DENND2B: variants seen among roughly 807,000 people sequenced by gnomAD.
The protein encoded by DENND2B is DENN domain containing 2B.
Under a neutral mutation model 116.0 loss-of-function variants are expected in DENND2B, and 32 were observed. The ratio of observed to expected loss-of-function variants is 0.28; its 90% CI spans 0.21 to 0.37. The LOEUF is 0.37. Ranked by LOEUF, DENND2B falls within the 10% of genes least tolerant of loss-of-function variation. DENND2B has a pLI of 1.00. For synonymous variants in DENND2B, 588 were observed against 583.9 expected (o/e 1.01, Z -0.10); for missense variants, 1,276 against 1,477.7 (o/e 0.86, Z 2.24).
intron 4 of DENND2B, among the ~76,000 whole-genome samples, chr11:8,816,342 T>G (rs1332631455): frequency 6.6e-6 from 1 of 152,100 alleles, no homozygotes; most frequent in Non-Finnish European, 1.5e-5. Context: ...GCCCAGGAGT[T>G]CAAGACTAGC....
chr11:8,872,588 C>A (rs1014375539), upstream of DENND2B, among the ~76,000 whole-genome samples: 3 of 151,798 alleles, frequency 2.0e-5, no homozygotes, highest in Non-Finnish European at 4.4e-5. Flanking sequence ...ATAAAGTCTA[C>A]TGTTCCTTTG....
chr11:8,891,080 C>A (rs2064026504), intron 1 of DENND2B, among the ~76,000 whole-genome samples: 2 of 152,090 alleles, frequency 1.3e-5, no homozygotes, highest in African/African-American at 4.8e-5. Flanking sequence ...GAGTGGGGGC[C>A]AATATTCAAC....
chr11:8,705,362 C>T (rs2042408417), intron 13 of DENND2B, among the ~76,000 whole-genome samples: 1 of 152,142 alleles, frequency 6.6e-6, no homozygotes, highest in African/African-American at 2.4e-5. Flanking sequence ...TTCTGGGCCC[C>T]TGCACTTGTC....
chr11:8,903,411 T>A (rs2064194616), intron 1 of DENND2B, among the ~76,000 whole-genome samples: 1 of 144,236 alleles, frequency 6.9e-6, no homozygotes. Context: ...AGTGAGACTG[T>A]CTCAAAAGAA....
chr11:8,754,064 A>ACACACACACAC (rs1565854666), intron 1 of DENND2B, among the ~76,000 whole-genome samples: 1 of 77,706 alleles, frequency 1.3e-5, no homozygotes, highest in African/African-American at 5.5e-5. Flanking sequence ...CACACACACA[A>ACACACACACAC]AGGACATGAA....
chr11:8,733,092 C>G (rs1261151406), intron 2 of DENND2B, among the ~76,000 whole-genome samples: 1 of 152,216 alleles, frequency 6.6e-6, no homozygotes, highest in Non-Finnish European at 1.5e-5. Flanking sequence ...TATATGGGCA[C>G]AGATGAGAGA....
At chr11:8,896,819 G>C (rs2064107679) in intron 1 of DENND2B, among the ~76,000 whole-genome samples, 1 of 152,240 alleles carries the variant, frequency 6.6e-6, no homozygotes, top group Non-Finnish European at 1.5e-5. Context: ...GATGTTTTCA[G>C]ATAGGTGTAT....
chr11:8,840,778 G>GC (rs1292542842), intron 3 of DENND2B, among the ~76,000 whole-genome samples: 1 of 152,098 alleles, frequency 6.6e-6, no homozygotes, highest in Non-Finnish European at 1.5e-5. Context: ...GCCCCTTCCT[G>GC]CAGCCCTCAC....
intron 3 of DENND2B, among the ~76,000 whole-genome samples, chr11:8,850,964 A>C (rs1345144133): frequency 6.6e-6 from 1 of 152,194 alleles, no homozygotes; most frequent in African/African-American, 2.4e-5. Context: ...TTATATGCCG[A>C]ATCTAGAAAA....
chr11:8,713,018 A>G (rs1350791038), intron 8 of DENND2B, among the ~76,000 whole-genome samples: 1 of 152,152 alleles, frequency 6.6e-6, no homozygotes, highest in African/African-American at 2.4e-5. Flanking sequence ...CCAGGGATGT[A>G]TCTTGGCACC....
At chr11:8,774,306 G>A in intron 1 of DENND2B, 1 of 985,424 alleles carries the variant, frequency 1.0e-6, no homozygotes, top group Non-Finnish European at 1.2e-6. Flanking sequence ...GTAATCACCT[G>A]AAAGGCTGAA....
chr11:8,720,607 G>C (rs553099981), intron 4 of DENND2B, among the ~76,000 whole-genome samples: 1 of 152,140 alleles, frequency 6.6e-6, no homozygotes, highest in Non-Finnish European at 1.5e-5. Context: ...CAGCCCACAC[G>C]CTGCCTCCCC....
intron 1 of DENND2B, among the ~76,000 whole-genome samples, chr11:8,788,922 A>G (rs577675790): frequency 6.6e-6 from 1 of 152,304 alleles, no homozygotes; most frequent in East Asian, 1.9e-4. Context: ...CCTTCTGCCA[A>G]TCCAGGCTGA....
chr11:8,722,609 A>G (rs908994794), intron 4 of DENND2B, among the ~76,000 whole-genome samples: 1 of 152,186 alleles, frequency 6.6e-6, no homozygotes, highest in African/African-American at 2.4e-5. Flanking sequence ...AGGAAAAGGA[A>G]ACCCACCAGA....
intron 1 of DENND2B, chr11:8,776,152 G>GCACACA (rs760819228): frequency 5.8e-5 from 16 of 274,140 alleles, no homozygotes; most frequent in Middle Eastern, 5.7e-4. Context: ...GCGCGCACGC[G>GCACACA]CGCGCGCGCA....
At chr11:8,696,390 A>G in intron 18 of DENND2B, 37 bp downstream of exon 18, 1 of 1,608,814 alleles carries the variant, frequency 6.2e-7, no homozygotes, top group Middle Eastern at 1.7e-4. Flanking sequence ...GCTGTGGGTG[A>G]AAAAATTAGA....
chr11:8,736,531 G>C (rs1202588323), intron 2 of DENND2B, among the ~76,000 whole-genome samples: 1 of 152,204 alleles, frequency 6.6e-6, no homozygotes, highest in Non-Finnish European at 1.5e-5. Flanking sequence ...TAAAGAAGGG[G>C]AAAGGGATCA....
At chr11:8,731,329 G>C in intron 2 of DENND2B, 120 bp from the exon 3 acceptor site, 1 of 982,382 alleles carries the variant, frequency 1.0e-6, no homozygotes, top group East Asian at 2.7e-5. Flanking sequence ...GACTCTCAAA[G>C]AGTATTCTAT....
At chr11:8,766,073 A>C (rs10743088) in intron 1 of DENND2B, among the ~76,000 whole-genome samples, 94,037 of 151,810 alleles carry the variant, frequency 0.62, 29,539 homozygotes, top group Non-Finnish European at 0.66. Context: ...TTAGGTATTT[A>C]TTTTGGGCTA....
Sources: allele counts gnomAD v4.1 joint callset (sites outside exome capture counted in the v4.1 genomes callset), GRCh38; gene constraint gnomAD v4.1.1; transcripts MANE v1.5; gene names NCBI Gene and HGNC (gene_info 2026-07-23, HGNC 2026-07-21).